The following BRD10 variants were observed in gnomAD, a reference collection of about 807,000 sequenced individuals.
BRD10 encodes bromodomain containing 10.
the BRD10 span, chr9:5,910,202 T>C: frequency 2.6e-5 from 4 of 152,174 alleles, no homozygotes; most frequent in Non-Finnish European, 5.9e-5. Context: ...CACTATATGA[T>C]TCATTGCTAT....
At chr9:5,885,760 G>T in the BRD10 span, among the ~76,000 whole-genome samples, 1 of 152,302 alleles carries the variant, frequency 6.6e-6, no homozygotes, top group African/African-American at 2.4e-5. Flanking sequence ...GCTCAGAAAG[G>T]TTAATTAACT....
At chr9:5,923,218 C>G in the BRD10 span, 1 of 1,613,958 alleles carries the variant, frequency 6.2e-7, no homozygotes, top group East Asian at 2.2e-5. Flanking sequence ...GTGTTTTAAG[C>G]AGTGTCTTCG....
chr9:5,942,052 CTT>C, the BRD10 span, among the ~76,000 whole-genome samples: 4 of 151,768 alleles, frequency 2.6e-5, no homozygotes, highest in Admixed American at 1.3e-4. Context: ...TGGAATATAT[CTT>C]GTTACTGGAG....
At chr9:5,985,573 G>A in the BRD10 span, among the ~76,000 whole-genome samples, 4 of 152,144 alleles carry the variant, frequency 2.6e-5, no homozygotes, top group African/African-American at 9.7e-5. Context: ...ATCACCTGAG[G>A]TTGGGAGTTC....
At chr9:5,929,251 C>G in the BRD10 span, 2 of 668,330 alleles carry the variant, frequency 3.0e-6, no homozygotes, top group Middle Eastern at 3.2e-4. Context: ...AACACCAATA[C>G]TCCATAAAAA....
chr9:5,968,554 G>T, the BRD10 span: 34 of 1,613,822 alleles, frequency 2.1e-5, no homozygotes, highest in African/African-American at 9.3e-5. Flanking sequence ...TTTCAACAGA[G>T]ATGTCATGAT....
the BRD10 span, among the ~76,000 whole-genome samples, chr9:5,960,946 C>T: frequency 6.6e-6 from 1 of 152,072 alleles, no homozygotes; most frequent in East Asian, 1.9e-4. Flanking sequence ...GGAAAAAAAG[C>T]AGATTGTTAA....
At chr9:5,967,159 T>C in the BRD10 span, among the ~76,000 whole-genome samples, 1 of 152,278 alleles carries the variant, frequency 6.6e-6, no homozygotes, top group South Asian at 2.1e-4. Context: ...ACAATGATGA[T>C]GAAGAGCCAC....
chr9:5,982,356 A>G, the BRD10 span, among the ~76,000 whole-genome samples: 3 of 152,192 alleles, frequency 2.0e-5, no homozygotes, highest in East Asian at 3.8e-4. Context: ...GCCCAGTGCT[A>G]GGACAGCTGG....
At chr9:5,897,273 G>C in the BRD10 span, among the ~76,000 whole-genome samples, 2 of 152,356 alleles carry the variant, frequency 1.3e-5, no homozygotes, top group South Asian at 4.1e-4. Context: ...ATAAAGACCA[G>C]TTACTATGGC....
the BRD10 span, chr9:5,910,462 C>G: frequency 6.6e-6 from 1 of 152,228 alleles, no homozygotes. Flanking sequence ...CCACTTCAAA[C>G]AAATAAATGA....
At chr9:5,881,111 C>T in the BRD10 span, among the ~76,000 whole-genome samples, 2 of 152,106 alleles carry the variant, frequency 1.3e-5, no homozygotes, top group South Asian at 4.1e-4. Context: ...ACACACTTCA[C>T]ACACACACAA....
At chr9:5,906,363 A>G in the BRD10 span, among the ~76,000 whole-genome samples, 1 of 151,612 alleles carries the variant, frequency 6.6e-6, no homozygotes, top group Non-Finnish European at 1.5e-5. Context: ...GAAAAGAAAA[A>G]AAAAGTTTTT....
the BRD10 span, chr9:5,921,787 A>C: frequency 6.2e-7 from 1 of 1,613,978 alleles, no homozygotes; most frequent in African/African-American, 1.3e-5. Flanking sequence ...GTAGAGTACT[A>C]GAACAAATAG....
At chr9:5,926,802 T>C in the BRD10 span, among the ~76,000 whole-genome samples, 3 of 152,178 alleles carry the variant, frequency 2.0e-5, no homozygotes, top group Admixed American at 2.0e-4. Context: ...AAGTGGCTTT[T>C]AATTTTTAAA....
chr9:5,981,875 A>C, the BRD10 span, among the ~76,000 whole-genome samples: 1 of 152,190 alleles, frequency 6.6e-6, no homozygotes. Context: ...AGATACGTAA[A>C]TAAATGGAAA....
At chr9:5,969,180 G>A in the BRD10 span, 2 of 1,613,700 alleles carry the variant, frequency 1.2e-6, no homozygotes, top group Admixed American at 3.3e-5. Flanking sequence ...CGATGGGGAG[G>A]ACTTAATAGA....
the BRD10 span, among the ~76,000 whole-genome samples, chr9:5,940,933 T>C: frequency 6.6e-6 from 1 of 152,204 alleles, no homozygotes; most frequent in Admixed American, 6.5e-5. Flanking sequence ...CTTTCATTTA[T>C]CATCACATAA....
chr9:5,889,472 G>C, the BRD10 span, among the ~76,000 whole-genome samples: 2 of 152,170 alleles, frequency 1.3e-5, no homozygotes, highest in African/African-American at 4.8e-5. Flanking sequence ...TCATTGCAAT[G>C]GTTCCTATTT....
Sources: gnomAD v4.1 joint callset for allele counts (sites outside exome capture counted in the v4.1 genomes callset) on GRCh38, gnomAD v4.1.1 for gene constraint, MANE v1.5 for transcripts, NCBI Gene and HGNC (gene_info 2026-07-23, HGNC 2026-07-21) for gene names.